DBP: variants seen among roughly 807,000 people sequenced by gnomAD.
The protein encoded by DBP is D-box binding PAR bZIP transcription factor, also known as D site-binding protein.
Under a neutral mutation model 21.4 loss-of-function variants are expected in DBP, and 12 were observed. The observed-to-expected ratio is 0.56, with a 90% CI of 0.36 to 0.91. The LOEUF (loss-of-function observed/expected upper bound fraction) is 0.91, where lower values mean the gene tolerates loss of function less well. Among genes scored for constraint, DBP ranks in the 40% least tolerant of loss-of-function variants. DBP has a pLI of 0.01. For synonymous variants in DBP, 213 were observed against 224.9 expected, an observed-to-expected ratio of 0.95 and a Z score of 0.47; for missense variants, 423 against 473.4, an observed-to-expected ratio of 0.89 and a Z score of 0.99.
At position 48,635,613 on chromosome 19, in the gene DBP, C is replaced by G; in HGVS notation, c.517G>C (p.Ala173Pro). The change falls in exon 2 of 4, where the codon GCT becomes CCT. Residue 173 changes from alanine to proline, a missense_variant. Physicochemically the swap from Ala to Pro is conservative, Grantham distance 27. Coordinates refer to ENST00000222122, the MANE Select transcript of DBP (RefSeq NM_001352.5). ...TGGCCGCTGGCGGTCCCGAGGGCAG[C>G]CCGGGCGGGGGCGTGCCCAGGAGAG... is the stretch of plus-strand genomic sequence containing the variant. ...RSSPGHAPARAALGTASGHRA... is the reference protein window; with the variant it reads ...RSSPGHAPARPALGTASGHRA... 7.4e-7 allele frequency: 1 copy of G among 1,349,116 alleles called. No individual in the cohort carries two copies. The highest frequency in any genetic ancestry group is 9.4e-7 in the Non-Finnish European group (1 of 1,060,348). The allele number at this position is 1,349,116 out of a possible 1,614,324, so 83.6% of individuals were successfully genotyped here. A position where few individuals can be genotyped will look rare whatever the true frequency, so the allele number is the denominator to read the frequency against.
chr19:48,637,339 C>G lies in DBP; in HGVS notation c.-345G>C, dbSNP rs1389117159. The G allele has an allele frequency of 7.1e-6, 2 of 283,332 alleles. No homozygotes were observed. Among genetic ancestry groups the G allele is most frequent in the African/African-American group, 2.2e-5 (1 of 45,842 alleles). 17.6% of individuals were successfully genotyped at this position (283,332 alleles called of 1,614,324 possible). On this transcript the variant is annotated 5_prime_UTR_variant, in exon 1 of 4. Coordinates refer to ENST00000222122, the MANE Select transcript of DBP (RefSeq NM_001352.5). ...TGGCTCTTGCAAAATCTGCAGCTCT[C>G]GCAACGGAAGGCGCTTTGCAATCTG...
rs745982101 is a variant in DBP, at chr19:48,630,129, C to T, written c.*708G>A. ...TTTACGCGTCGCCCAATGACAGGACCTGGAATGTACTGGCTGGGGTAGGCC... is the reference window on the plus strand; with the variant it reads ...TTTACGCGTCGCCCAATGACAGGACTTGGAATGTACTGGCTGGGGTAGGCC... On this transcript the variant is annotated 3_prime_UTR_variant, in exon 4 of 4. Coordinates refer to ENST00000222122, the MANE Select transcript of DBP (RefSeq NM_001352.5). This position sits in a 1 kb window ranked among gnomAD's most constrained non-coding sequence, Gnocchi z 4.9. 3.2e-6 allele frequency: 4 copies of T among 1,255,802 alleles called. No individual in the cohort carries two copies. The highest frequency in any genetic ancestry group is 4.0e-6 in the Non-Finnish European group (4 of 998,560). The allele number at this position is 1,255,802 out of a possible 1,614,324, so 77.8% of individuals were successfully genotyped here.
intron 3 of DBP, chr19:48,631,944 T>C (rs1227443465): frequency 3.9e-5 from 6 of 152,060 alleles, no homozygotes; most frequent in African/African-American, 1.5e-4. Context: ...AGTAGCTATG[T>C]GTTACGCAAG....
Position 48,634,555 on chromosome 19 carries a change from C to A in DBP, c.551-900G>T, listed in dbSNP as rs1044530560. The A allele has an allele frequency of 1.9e-5, 7 of 369,852 alleles. No individual in the cohort carries two copies. The East Asian group carries it at 6.5e-4, about 35-fold the overall frequency. 22.9% of individuals were successfully genotyped at this position (369,852 alleles called of 1,614,324 possible). On this transcript the variant is annotated intron_variant, in intron 2 of 3. Coordinates refer to ENST00000222122, the MANE Select transcript of DBP (RefSeq NM_001352.5). The stretch of plus-strand genomic sequence containing the variant: ...GCCAGCTAAGGACACAGGTTCAGGG[C>A]CGAGTCACGTGCTGACGCCTGCTTC...
At chr19:48,635,480 G>A (rs770842215) in intron 2 of DBP, 100 bp downstream of exon 2, 3 of 1,477,138 alleles carry the variant, frequency 2.0e-6, no homozygotes, top group Non-Finnish European at 2.7e-6. Flanking sequence ...ATTCGAGGCC[G>A]CAGCCAGGTC....
chr19:48,635,859 G>T lies in DBP; in HGVS notation c.271C>A (p.Pro91Thr), dbSNP rs1342025713. ...AGACCCGGGGCGGGCACCGGCCCCG[G>T]GCGCCCCCGCGGGGACCCTCCGCCC... is the stretch of plus-strand genomic sequence containing the variant. ...VVGGGSPRGRPGPVPAPGLLA... is the reference protein window; with the variant it reads ...VVGGGSPRGRTGPVPAPGLLA... The change falls in exon 2 of 4, where the codon CCG becomes ACG. Residue 91 changes from proline to threonine, a missense_variant. Coordinates refer to ENST00000222122, the MANE Select transcript of DBP (RefSeq NM_001352.5). The T allele has an allele frequency of 5.0e-6, 7 of 1,398,196 alleles. No individual in the cohort carries two copies. Among genetic ancestry groups the T allele is most frequent in the Non-Finnish European group, 6.4e-6 (7 of 1,088,162 alleles). 86.6% of individuals were successfully genotyped at this position (1,398,196 alleles called of 1,614,324 possible).
intron 3 of DBP, chr19:48,633,185 G>A: frequency 6.6e-6 from 4 of 602,566 alleles, no homozygotes; most frequent in East Asian, 2.8e-5. Context: ...GAGCTCAAGA[G>A]ATCCTCCTGC....
chr19:48,630,315 C>T lies in DBP; in HGVS notation c.*522G>A. 7.7e-7 allele frequency: 1 copy of T among 1,302,180 alleles called. No homozygotes were observed. The highest frequency in any genetic ancestry group is 9.7e-7 in the Non-Finnish European group (1 of 1,026,334). 80.7% of individuals were successfully genotyped at this position (1,302,180 alleles called of 1,614,324 possible). ...CGGGTGGGGGCGGGGAAATTCATAT[C>T]CCCTGTTCGTCTCATGCGCGTCCTC... On this transcript the variant is annotated 3_prime_UTR_variant, in exon 4 of 4. Coordinates refer to ENST00000222122, the MANE Select transcript of DBP (RefSeq NM_001352.5). The surrounding 1 kb of genome is among the most constrained non-coding windows in gnomAD (Gnocchi z 4.9).
At chr19:48,635,400 G>GAAGACCAA (rs572773395) in intron 2 of DBP, 180 bp downstream of exon 2, 98,331 of 1,451,384 alleles carry the variant, frequency 0.068, 8,716 homozygotes, top group African/African-American at 0.38. Flanking sequence ...TGGATCCATT[G>GAAGACCAA]GTCCCTGACC....
Position 48,630,202 on chromosome 19 carries a change from G to T in DBP, c.*635C>A. 1 of 1,253,974 alleles carries T rather than the reference G, an allele frequency of 8.0e-7. No individual in the cohort carries two copies. Among genetic ancestry groups the T allele is most frequent in the South Asian group, 3.1e-5 (1 of 32,364 alleles). 77.7% of individuals were successfully genotyped at this position (1,253,974 alleles called of 1,614,324 possible). A position where few individuals can be genotyped will look rare whatever the true frequency, so the allele number is the denominator to read the frequency against. On this transcript the variant is annotated 3_prime_UTR_variant, in exon 4 of 4. Coordinates refer to ENST00000222122, the MANE Select transcript of DBP (RefSeq NM_001352.5). This position sits in a 1 kb window ranked among gnomAD's most constrained non-coding sequence, Gnocchi z 4.9. ...CCCGCAGCCTCGCCCCATCCACTCC[G>T]GTGCCTCCATTTAGCTGGCCAATCA...
chr19:48,634,312 G>A (rs1205267774), intron 2 of DBP: 2 of 153,916 alleles, frequency 1.3e-5, no homozygotes, highest in Non-Finnish European at 2.9e-5. Flanking sequence ...AAAACCTCAG[G>A]ACTTCAGATG....
At chr19:48,636,226 T>C (rs2030791742) in intron 1 of DBP, among the ~76,000 whole-genome samples, 1 of 151,230 alleles carries the variant, frequency 6.6e-6, no homozygotes, top group Non-Finnish European at 1.5e-5. Context: ...GGGGACAGAA[T>C]GCCGGGAAGG....
Position 48,635,917 on chromosome 19 carries a change from C to G in DBP, c.213G>C (p.Ala71=). The G allele has an allele frequency of 6.9e-7, 1 of 1,445,704 alleles. No individual in the cohort carries two copies. The highest frequency in any genetic ancestry group is 9.0e-7 in the Non-Finnish European group (1 of 1,108,858). The allele number at this position is 1,445,704 out of a possible 1,614,324, so 89.6% of individuals were successfully genotyped here. The change falls in exon 2 of 4, where the codon GCG becomes GCC. Residue 71 remains alanine (A), a synonymous_variant. Transcript: ENST00000222122. ...CCCCAGCCGGGGCATCCGCCGGGCC[C>G]GCAGTCTCCAGGCCTGGCCCAGGGG... ...ATTPGPGLET[A]GPADAPAGAV...
rs752968692 is a variant in DBP, at chr19:48,633,643, C to G, written c.563G>C (p.Arg188Pro). 1 of 1,613,986 alleles carries G rather than the reference C, an allele frequency of 6.2e-7. No homozygotes were observed. The highest frequency in any genetic ancestry group is 1.1e-5 in the South Asian group (1 of 91,080). ...TGGGTCCACAGGGCTGGGTGTGTCC[C>G]GAGAGGTCAGGCCTTGGGGAAACAG... ...ASGHRAGLTS[R>P]DTPSPVDPDT... Residue 188 changes from arginine (R) to proline (P), a missense_variant, in exon 3 of 4, where the codon CGG (arginine) becomes CCG (proline). Coordinates refer to ENST00000222122, the MANE Select transcript of DBP (RefSeq NM_001352.5).
rs1443858515 is a variant in DBP, at chr19:48,630,271, A to C, written c.*566T>G. On this transcript the variant is annotated 3_prime_UTR_variant, in exon 4 of 4. Transcript: ENST00000222122. This position sits in a 1 kb window ranked among gnomAD's most constrained non-coding sequence, Gnocchi z 4.9. ...CCCCGGGGCCGGCGCTAGGATTTGC[A>C]CTAATGTTCCTCTCCCCGCGGGTGG... 1.1e-5 allele frequency: 14 copies of C among 1,293,648 alleles called. No homozygotes were observed. Among genetic ancestry groups the C allele is most frequent in the Middle Eastern group, 2.9e-4 (1 of 3,422 alleles). 80.1% of individuals were successfully genotyped at this position (1,293,648 alleles called of 1,614,324 possible).
intron 2 of DBP, chr19:48,634,970 G>A: frequency 1.0e-6 from 1 of 985,720 alleles, no homozygotes; most frequent in Non-Finnish European, 1.2e-6. Flanking sequence ...GGGATCCCAG[G>A]CCTCTCCTAG....
rs574704480 is a variant in DBP at position 48,633,812 on chromosome 19, T to A, written c.551-157A>T. On this transcript the variant is annotated intron_variant, in intron 2 of 3. Transcript: ENST00000222122. ...ATCTCCCTAATATAAAATATGAAGG[T>A]TCCCTTGGCCAGGCGCAGTGGCTCA... 53 of 662,704 alleles carry A rather than the reference T, an allele frequency of 8.0e-5. No homozygotes were observed. The South Asian group carries it at 9.8e-4, about 12-fold the overall frequency. 41.1% of individuals were successfully genotyped at this position (662,704 alleles called of 1,614,324 possible).
intron 3 of DBP, chr19:48,631,418 C>T (rs921035136): frequency 1.9e-5 from 4 of 206,248 alleles, no homozygotes; most frequent in South Asian, 1.0e-4. Context: ...CACTGCCCTG[C>T]CCTGCACATT....
At position 48,630,627 on chromosome 19, in the gene DBP, T is replaced by C; in HGVS notation, c.*210A>G. 1.3e-6 allele frequency: 2 copies of C among 1,506,152 alleles called. No individual in the cohort carries two copies. Among genetic ancestry groups the C allele is most frequent in the Non-Finnish European group, 1.8e-6 (2 of 1,131,414 alleles). The allele number at this position is 1,506,152 out of a possible 1,614,324, so 93.3% of individuals were successfully genotyped here. A position where few individuals can be genotyped will look rare whatever the true frequency, so the allele number is the denominator to read the frequency against. On this transcript the variant is annotated 3_prime_UTR_variant, in exon 4 of 4. Transcript: ENST00000222122. This position sits in a 1 kb window ranked among gnomAD's most constrained non-coding sequence, Gnocchi z 4.9. ...CGGTGGGAGGATAGGGTCCCTGACGTGCCGGGGACACACACAGAGAACCCT... is the reference window on the plus strand; with the variant it reads ...CGGTGGGAGGATAGGGTCCCTGACGCGCCGGGGACACACACAGAGAACCCT...
Sources: gnomAD v4.1 joint callset for allele counts (sites outside exome capture counted in the v4.1 genomes callset) on GRCh38, gnomAD v4.1.1 for gene constraint, Gnocchi (gnomAD v3.1) non-coding constraint, MANE v1.5 for transcripts, NCBI Gene and HGNC (gene_info 2026-07-23, HGNC 2026-07-21) for gene names.